ZBTB20: variants seen among roughly 807,000 people sequenced by gnomAD.
The protein encoded by ZBTB20 is zinc finger and BTB domain-containing protein 20.
In ZBTB20, 9 loss-of-function variants were observed where a neutral mutation model predicts 56.9. The observed-to-expected ratio is 0.16, with a 90% CI of 0.10 to 0.28. The LOEUF is 0.28. Among genes scored for constraint, ZBTB20 ranks in the 10% least tolerant of loss-of-function variants. ZBTB20 has a pLI of 1.00. For synonymous variants in ZBTB20, 417 were observed against 420.7 expected, an observed-to-expected ratio of 0.99 and a Z score of 0.11; for missense variants, 655 against 1,003.0, an observed-to-expected ratio of 0.65 and a Z score of 4.69.
chr3:115,116,564 GATA>G (rs1388248991), intron 1 of ZBTB20, among the ~76,000 whole-genome samples: 2 of 152,094 alleles, frequency 1.3e-5, no homozygotes, highest in East Asian at 1.9e-4. Context: ...ACATTAGATT[GATA>G]ATAAGAGATA....
At chr3:114,657,327 T>C (rs1560093053) in intron 6 of ZBTB20, among the ~76,000 whole-genome samples, 2 of 152,232 alleles carry the variant, frequency 1.3e-5, no homozygotes, top group South Asian at 4.1e-4. Flanking sequence ...TAAGGTTTGA[T>C]CCTTCTGGGA....
intron 6 of ZBTB20, among the ~76,000 whole-genome samples, chr3:114,620,580 C>T (rs2058256013): frequency 6.6e-6 from 1 of 152,204 alleles, no homozygotes. Context: ...GCATGAGCCA[C>T]TGTGTCCGGC....
At chr3:114,919,401 A>G (rs2075869776) in intron 3 of ZBTB20, among the ~76,000 whole-genome samples, 1 of 152,112 alleles carries the variant, frequency 6.6e-6, no homozygotes, top group African/African-American at 2.4e-5. Context: ...AGATTGGAAG[A>G]AAGAAACAAA....
At chr3:115,019,018 C>A (rs962832140) in intron 2 of ZBTB20, among the ~76,000 whole-genome samples, 3 of 151,224 alleles carry the variant, frequency 2.0e-5, no homozygotes, top group Admixed American at 1.3e-4. Flanking sequence ...TTTCTCCCCT[C>A]CAGATTGTGT....
At chr3:115,088,795 T>C (rs941277785) in intron 1 of ZBTB20, among the ~76,000 whole-genome samples, 18 of 151,802 alleles carry the variant, frequency 1.2e-4, no homozygotes, top group African/African-American at 4.3e-4. Flanking sequence ...GTTAACACTT[T>C]CATTGAAATT....
chr3:114,320,204 A>G lies in ZBTB20; in HGVS notation c.*18801T>C, dbSNP rs1264607780. The G allele has an allele frequency of 6.6e-6, 1 of 151,922 alleles. No homozygotes were observed. Among genetic ancestry groups the G allele is most frequent in the Non-Finnish European group, 1.5e-5 (1 of 67,950 alleles). The allele number at this position is 151,922 out of a possible 1,614,324, so 9.4% of individuals were successfully genotyped here. On this transcript the variant is annotated 3_prime_UTR_variant, in exon 12 of 12. Coordinates refer to ENST00000675478, the MANE Select transcript of ZBTB20 (RefSeq NM_001348800.3). ...TTCAGTACAAATATATTTTTTTCAT[A>G]GCTGTTTTCCCCTGTTGCTTATTTG...
intron 1 of ZBTB20, among the ~76,000 whole-genome samples, chr3:115,135,853 T>G (rs1419901593): frequency 6.6e-6 from 1 of 152,146 alleles, no homozygotes; most frequent in Non-Finnish European, 1.5e-5. Context: ...TTAGGTAAAA[T>G]AATTAAACCT....
At chr3:114,497,107 A>G (rs561402102) in intron 7 of ZBTB20, among the ~76,000 whole-genome samples, 3 of 152,296 alleles carry the variant, frequency 2.0e-5, no homozygotes, top group Admixed American at 6.5e-5. Flanking sequence ...ATAGGCCAAG[A>G]TATGCTGGAA....
intron 7 of ZBTB20, among the ~76,000 whole-genome samples, chr3:114,493,334 T>C (rs1407786974): frequency 1.3e-5 from 2 of 152,228 alleles, no homozygotes; most frequent in Admixed American, 6.5e-5. Context: ...GCTATGTACA[T>C]TGGTGTAACA....
At chr3:115,080,428 G>C (rs1264589049) in intron 1 of ZBTB20, among the ~76,000 whole-genome samples, 2 of 152,082 alleles carry the variant, frequency 1.3e-5, no homozygotes, top group African/African-American at 4.8e-5. Flanking sequence ...CAAAATAGGA[G>C]ACTATAAAGT....
chr3:114,368,092 G>A (rs1389793005), intron 10 of ZBTB20, among the ~76,000 whole-genome samples: 1 of 152,184 alleles, frequency 6.6e-6, no homozygotes, highest in African/African-American at 2.4e-5. Context: ...AGCGCTGGCT[G>A]TTTTTCTGGT....
chr3:114,998,606 C>G (rs1306230953), intron 2 of ZBTB20, among the ~76,000 whole-genome samples: 1 of 151,620 alleles, frequency 6.6e-6, no homozygotes, highest in Non-Finnish European at 1.5e-5. Context: ...TCTAGATATG[C>G]AGCAGAGTGG....
intron 6 of ZBTB20, among the ~76,000 whole-genome samples, chr3:114,508,802 C>A (rs1184050010): frequency 6.6e-6 from 1 of 152,134 alleles, no homozygotes; most frequent in African/African-American, 2.4e-5. Context: ...ATGCCAATTT[C>A]TTCATAGCTG....
intron 3 of ZBTB20, among the ~76,000 whole-genome samples, chr3:114,960,944 G>C (rs957304254): frequency 3.9e-5 from 6 of 152,076 alleles, no homozygotes; most frequent in African/African-American, 1.2e-4. Context: ...AATAAGGAAG[G>C]AGTGGTCAGC....
intron 6 of ZBTB20, among the ~76,000 whole-genome samples, chr3:114,573,957 C>T (rs1169572985): frequency 6.6e-6 from 1 of 152,102 alleles, no homozygotes; most frequent in African/African-American, 2.4e-5. Flanking sequence ...CTCCTCTTTA[C>T]ATTTGAATGT....
At chr3:114,774,620 A>G (rs9881992) in intron 5 of ZBTB20, among the ~76,000 whole-genome samples, 150,061 of 152,242 alleles carry the variant, frequency 0.99, 73,998 homozygotes, top group East Asian at 1. Context: ...TCCCCATTTA[A>G]TATTTCTAAA....
intron 5 of ZBTB20, among the ~76,000 whole-genome samples, chr3:114,786,779 T>A (rs1435228767): frequency 6.6e-6 from 1 of 151,920 alleles, no homozygotes. Context: ...AATACTAATA[T>A]CAAGTATTGA....
intron 1 of ZBTB20, among the ~76,000 whole-genome samples, chr3:115,145,500 T>TA (rs1291674379): frequency 4.0e-5 from 6 of 151,556 alleles, no homozygotes; most frequent in Non-Finnish European, 7.4e-5. Flanking sequence ...TTATAACACC[T>TA]AATACAAGTA....
At chr3:114,575,583 TTAAAAAA>T (rs1373380886) in intron 6 of ZBTB20, among the ~76,000 whole-genome samples, 7 of 135,944 alleles carry the variant, frequency 5.1e-5, no homozygotes, top group Admixed American at 2.3e-4. Context: ...AGAACTACCT[TTAAAAAA>T]TAAAAAAAAA....
Sources: allele counts gnomAD v4.1 joint callset (sites outside exome capture counted in the v4.1 genomes callset), GRCh38; gene constraint gnomAD v4.1.1; transcripts MANE v1.5; gene names NCBI Gene and HGNC (gene_info 2026-07-23, HGNC 2026-07-21).